The following C8orf34 variants were observed in gnomAD, a reference collection of about 807,000 sequenced individuals.
C8orf34 encodes the protein chromosome 8 open reading frame 34.
C8orf34 carries 65 observed loss-of-function variants against 68.3 expected under a neutral mutation model. The ratio of observed to expected loss-of-function variants is 0.95; its 90% CI spans 0.78 to 1.17. C8orf34 has a LOEUF of 1.17. Among genes scored for constraint, C8orf34 ranks in the 50% most tolerant of loss-of-function variants. The pLI, the probability that C8orf34 is intolerant of heterozygous loss-of-function variation, is 0.00. For missense variants in C8orf34, 664 were observed against 655.4 expected (o/e 1.01, Z -0.14); for synonymous variants, 244 against 241.2 (o/e 1.01, Z -0.11).
intron 10 of C8orf34, among the ~76,000 whole-genome samples, chr8:68,763,523 G>A (rs1008622688): frequency 1.4e-4 from 21 of 152,070 alleles, no homozygotes; most frequent in African/African-American, 4.3e-4. Context: ...CAAAACAAAT[G>A]TAGTCAATTT....
At chr8:68,466,253 G>C (rs1216936557) in intron 3 of C8orf34, among the ~76,000 whole-genome samples, 1 of 151,932 alleles carries the variant, frequency 6.6e-6, no homozygotes, top group Non-Finnish European at 1.5e-5. Context: ...GAAAATGAGA[G>C]AAGTGGGCTA....
intron 7 of C8orf34, among the ~76,000 whole-genome samples, chr8:68,597,237 T>C (rs4421338): frequency 0.14 from 21,433 of 151,954 alleles, 2,116 homozygotes; most frequent in African/African-American, 0.28. Flanking sequence ...GCAGCGAAGA[T>C]GACACCAAGA....
intron 3 of C8orf34, among the ~76,000 whole-genome samples, chr8:68,468,016 C>G (rs11989187): frequency 0.032 from 4,826 of 151,994 alleles, 274 homozygotes; most frequent in African/African-American, 0.11. Context: ...ATTACTTTGA[C>G]ATTGTTCTCC....
chr8:68,700,678 T>C (rs1005443997), intron 8 of C8orf34, among the ~76,000 whole-genome samples: 3 of 152,008 alleles, frequency 2.0e-5, no homozygotes, highest in Non-Finnish European at 1.5e-5. Context: ...ATCATGCAAA[T>C]ACAAGTGGTC....
intron 7 of C8orf34, among the ~76,000 whole-genome samples, chr8:68,562,644 G>T (rs1303969413): frequency 4.6e-5 from 7 of 152,144 alleles, no homozygotes; most frequent in African/African-American, 1.7e-4. Context: ...TGTTGTTGTT[G>T]TTGTTTGTAA....
intron 7 of C8orf34, among the ~76,000 whole-genome samples, chr8:68,606,542 C>T (rs1183640435): frequency 6.6e-6 from 1 of 152,128 alleles, no homozygotes; most frequent in Admixed American, 6.6e-5. Flanking sequence ...TTTGATGTCA[C>T]ATACTGTATT....
chr8:68,550,474 C>T (rs1267582481), intron 7 of C8orf34, among the ~76,000 whole-genome samples: 2 of 151,710 alleles, frequency 1.3e-5, no homozygotes, highest in Admixed American at 1.3e-4. Context: ...TACATTGTTG[C>T]TATTATTTTG....
intron 10 of C8orf34, among the ~76,000 whole-genome samples, chr8:68,746,655 A>C (rs1822506343): frequency 1.3e-5 from 2 of 149,544 alleles, no homozygotes; most frequent in Admixed American, 6.7e-5. Context: ...AAATTCCTCG[A>C]CACATACACC....
intron 1 of C8orf34, among the ~76,000 whole-genome samples, chr8:68,418,746 A>C (rs1307524701): frequency 6.6e-6 from 1 of 152,138 alleles, no homozygotes; most frequent in Non-Finnish European, 1.5e-5. Flanking sequence ...TTCCCTATTT[A>C]ATAAATGGTG....
intron 3 of C8orf34, among the ~76,000 whole-genome samples, chr8:68,468,088 C>T (rs370787297): frequency 6.6e-6 from 1 of 151,924 alleles, no homozygotes; most frequent in African/African-American, 2.4e-5. Context: ...TTCCTCTGTT[C>T]AGAGACTTAG....
intron 1 of C8orf34, among the ~76,000 whole-genome samples, chr8:68,378,584 G>C (rs1307822290): frequency 6.6e-6 from 1 of 152,116 alleles, no homozygotes; most frequent in Non-Finnish European, 1.5e-5. Context: ...CACTGTGTGT[G>C]GCCCAGAGCT....
At chr8:68,440,859 C>A (rs1193667055) in intron 2 of C8orf34, among the ~76,000 whole-genome samples, 1 of 150,136 alleles carries the variant, frequency 6.7e-6, no homozygotes, top group Non-Finnish European at 1.5e-5. Flanking sequence ...GGCTGGAGTG[C>A]AGTGGCCTGA....
At chr8:68,574,503 T>G (rs1483855698) in intron 7 of C8orf34, among the ~76,000 whole-genome samples, 1 of 152,106 alleles carries the variant, frequency 6.6e-6, no homozygotes, top group Non-Finnish European at 1.5e-5. Context: ...AGGTCATCTC[T>G]GCTGTACTTC....
intron 1 of C8orf34, among the ~76,000 whole-genome samples, chr8:68,435,856 G>A (rs781023995): frequency 6.6e-6 from 1 of 152,138 alleles, no homozygotes; most frequent in Non-Finnish European, 1.5e-5. Flanking sequence ...AGCTACTATT[G>A]TTTTTCACAT....
At chr8:68,419,993 A>G (rs1809883137) in intron 1 of C8orf34, among the ~76,000 whole-genome samples, 1 of 150,728 alleles carries the variant, frequency 6.6e-6, no homozygotes, top group Non-Finnish European at 1.5e-5. Context: ...AAAAAAAAAA[A>G]GAAAAAAGAC....
At chr8:68,348,874 T>C (rs1325707904) in intron 1 of C8orf34, among the ~76,000 whole-genome samples, 1 of 151,938 alleles carries the variant, frequency 6.6e-6, no homozygotes, top group African/African-American at 2.4e-5. Flanking sequence ...GGGCTGAGAT[T>C]ATGGCATTTT....
chr8:68,649,050 T>C (rs1336764710), intron 8 of C8orf34, among the ~76,000 whole-genome samples: 2 of 152,216 alleles, frequency 1.3e-5, no homozygotes, highest in Non-Finnish European at 2.9e-5. Context: ...TACACGTTTA[T>C]ATTCAGCAGC....
chr8:68,735,568 T>C (rs375515670), intron 10 of C8orf34, among the ~76,000 whole-genome samples: 1 of 151,530 alleles, frequency 6.6e-6, no homozygotes, highest in Non-Finnish European at 1.5e-5. Flanking sequence ...AAACATTTAC[T>C]TATGTTAAAT....
intron 12 of C8orf34, among the ~76,000 whole-genome samples, chr8:68,801,304 G>T (rs1824319686): frequency 6.6e-6 from 1 of 152,126 alleles, no homozygotes; most frequent in Non-Finnish European, 1.5e-5. Flanking sequence ...AAAAAGTTTG[G>T]ATACTCTCTT....
Sources: gnomAD v4.1 joint callset for allele counts (sites outside exome capture counted in the v4.1 genomes callset) on GRCh38, gnomAD v4.1.1 for gene constraint, MANE v1.5 for transcripts, NCBI Gene and HGNC (gene_info 2026-07-23, HGNC 2026-07-21) for gene names.